The following RBFOX1 variants were observed in gnomAD, a reference collection of about 807,000 sequenced individuals.
RBFOX1 encodes RNA binding protein fox-1 homolog 1.
Under a neutral mutation model 57.7 loss-of-function variants are expected in RBFOX1, and 8 were observed. The observed-to-expected ratio is 0.14, with a 90% confidence interval of 0.08 to 0.25. The LOEUF (loss-of-function observed/expected upper bound fraction) is 0.25, where lower values mean the gene tolerates loss of function less well. Among genes scored for constraint, RBFOX1 ranks in the 10% least tolerant of loss-of-function variants. The pLI is 1.00. For synonymous variants in RBFOX1, 326 were observed against 222.4 expected, an observed-to-expected ratio of 1.47 and a Z score of -4.15; for missense variants, 611 against 548.5, an observed-to-expected ratio of 1.11 and a Z score of -1.14.
intron 14 of RBFOX1, among the ~76,000 whole-genome samples, chr16:7,677,610 C>T (rs921740409): frequency 6.6e-6 from 1 of 152,064 alleles, no homozygotes; most frequent in Non-Finnish European, 1.5e-5. Flanking sequence ...TGTATGGTTG[C>T]CTTGAAAAGG....
At chr16:7,419,254 G>T (rs1312605525) in intron 4 of RBFOX1, among the ~76,000 whole-genome samples, 1 of 152,104 alleles carries the variant, frequency 6.6e-6, no homozygotes, top group African/African-American at 2.4e-5. Context: ...AGTCTTGTTG[G>T]TTGCTGCCTT....
At chr16:7,629,170 G>A (rs1182388285) in intron 10 of RBFOX1, among the ~76,000 whole-genome samples, 7 of 152,106 alleles carry the variant, frequency 4.6e-5, no homozygotes, top group African/African-American at 1.7e-4. Context: ...CTTCTCCCTG[G>A]GAAAAAGTGG....
chr16:7,613,848 A>G (rs1363472945), intron 10 of RBFOX1, among the ~76,000 whole-genome samples: 1 of 152,142 alleles, frequency 6.6e-6, no homozygotes, highest in Non-Finnish European at 1.5e-5. Flanking sequence ...AAAAGTTAAG[A>G]TTGTCTAGAA....
At chr16:7,695,562 G>T (rs980671694) in intron 14 of RBFOX1, among the ~76,000 whole-genome samples, 3 of 148,400 alleles carry the variant, frequency 2.0e-5, no homozygotes, top group African/African-American at 7.5e-5. Context: ...CTGAGGCAGA[G>T]AATTGCTTGA....
chr16:6,472,078 T>A (rs1162177305), intron 2 of RBFOX1, among the ~76,000 whole-genome samples: 1 of 152,152 alleles, frequency 6.6e-6, no homozygotes, highest in Non-Finnish European at 1.5e-5. Flanking sequence ...CGCTGACTAG[T>A]CATCAGACTC....
chr16:6,944,716 C>A (rs545506319), intron 3 of RBFOX1, among the ~76,000 whole-genome samples: 1 of 152,140 alleles, frequency 6.6e-6, no homozygotes, highest in Admixed American at 6.5e-5. Context: ...TCCTGGGCAA[C>A]CTTTCTGCCC....
intron 2 of RBFOX1, among the ~76,000 whole-genome samples, chr16:5,490,689 G>A (rs2042798473): frequency 6.6e-6 from 1 of 152,136 alleles, no homozygotes; most frequent in Non-Finnish European, 1.5e-5. Flanking sequence ...AAACTTCAAG[G>A]AGGCCTGGCC....
intron 4 of RBFOX1, among the ~76,000 whole-genome samples, chr16:7,505,910 G>C (rs750886523): frequency 6.6e-6 from 1 of 152,146 alleles, no homozygotes; most frequent in Non-Finnish European, 1.5e-5. Context: ...TTCTGGCCAG[G>C]TGCAGTGGCT....
chr16:7,550,542 G>A (rs1014845602), intron 5 of RBFOX1, among the ~76,000 whole-genome samples: 2 of 152,106 alleles, frequency 1.3e-5, no homozygotes, highest in Non-Finnish European at 2.9e-5. Context: ...ACTCTACAGG[G>A]CATCTTATAT....
At chr16:7,002,955 C>T (rs983624071) in intron 3 of RBFOX1, among the ~76,000 whole-genome samples, 5 of 151,234 alleles carry the variant, frequency 3.3e-5, no homozygotes, top group African/African-American at 9.7e-5. Context: ...GTAGGAAAGG[C>T]GATGAGGTCA....
chr16:5,722,200 C>T (rs1204097972), intron 3 of RBFOX1, among the ~76,000 whole-genome samples: 2 of 152,296 alleles, frequency 1.3e-5, no homozygotes, highest in Non-Finnish European at 2.9e-5. Context: ...TTGTTAATTA[C>T]AGTATTTAAC....
chr16:6,057,439 C>T (rs983850198), intron 1 of RBFOX1, among the ~76,000 whole-genome samples: 1 of 152,098 alleles, frequency 6.6e-6, no homozygotes, highest in African/African-American at 2.4e-5. Flanking sequence ...GCTTATGCCT[C>T]ATTCATTCAT....
intron 2 of RBFOX1, among the ~76,000 whole-genome samples, chr16:6,325,298 G>A (rs2082251090): frequency 6.6e-6 from 1 of 152,174 alleles, no homozygotes; most frequent in Non-Finnish European, 1.5e-5. Context: ...ATCCAAGGCT[G>A]CAGTGAGTTG....
chr16:6,818,459 A>G (rs2090593113), intron 3 of RBFOX1, among the ~76,000 whole-genome samples: 1 of 152,174 alleles, frequency 6.6e-6, no homozygotes, highest in African/African-American at 2.4e-5. Flanking sequence ...ATTGAATGCC[A>G]GTGAGAGTTT....
intron 4 of RBFOX1, among the ~76,000 whole-genome samples, chr16:7,197,839 T>C (rs1193073632): frequency 1.3e-5 from 2 of 152,082 alleles, no homozygotes; most frequent in Non-Finnish European, 2.9e-5. Flanking sequence ...TGTTATTCCA[T>C]TTCCGTGAAA....
intron 1 of RBFOX1, among the ~76,000 whole-genome samples, chr16:6,176,027 G>C (rs2097004294): frequency 6.6e-6 from 1 of 152,096 alleles, no homozygotes; most frequent in South Asian, 2.1e-4. Flanking sequence ...AGCTTTCCAG[G>C]GGAGGCTAAT....
At chr16:5,340,242 C>A (rs972255278) in intron 1 of RBFOX1, among the ~76,000 whole-genome samples, 1 of 152,160 alleles carries the variant, frequency 6.6e-6, no homozygotes, top group African/African-American at 2.4e-5. Context: ...GCACATTGTC[C>A]TCTGCCTATT....
intron 4 of RBFOX1, among the ~76,000 whole-genome samples, chr16:5,905,498 G>C (rs916493582): frequency 6.6e-6 from 1 of 152,104 alleles, no homozygotes; most frequent in African/African-American, 2.4e-5. Flanking sequence ...GATTGCTTGA[G>C]CCCAGGAGTT....
chr16:6,630,755 A>G (rs1276695385), intron 2 of RBFOX1, among the ~76,000 whole-genome samples: 2 of 152,142 alleles, frequency 1.3e-5, no homozygotes, highest in Non-Finnish European at 2.9e-5. Context: ...TGAAAATACC[A>G]TGAGAAGGAG....
Sources: allele counts gnomAD v4.1 joint callset (sites outside exome capture counted in the v4.1 genomes callset), GRCh38; gene constraint gnomAD v4.1.1; transcripts MANE v1.5; gene names NCBI Gene and HGNC (gene_info 2026-07-23, HGNC 2026-07-21).